The following GPHN variants were observed in gnomAD, a reference collection of about 807,000 sequenced individuals.
The protein encoded by GPHN is gephyrin.
A neutral mutation model predicts 95.5 loss-of-function variants in GPHN; 17 were observed. The observed-to-expected ratio is 0.18, with a 90% CI of 0.12 to 0.27. The LOEUF (loss-of-function observed/expected upper bound fraction) is 0.27, where lower values mean the gene tolerates loss of function less well. Among genes scored for constraint, GPHN ranks in the 10% least tolerant of loss-of-function variants. The pLI, the probability that GPHN is intolerant of heterozygous loss-of-function variation, is 1.00. For synonymous variants in GPHN, 320 were observed against 322.5 expected (o/e 0.99, Z 0.08); for missense variants, 660 against 978.1 (o/e 0.67, Z 4.34).
chr14:66,910,867 G>A lies in GPHN; in HGVS notation c.390-5136G>A, dbSNP rs147129984. Among the ~76,000 whole-genome samples, 4 of 152,066 alleles carry A rather than the reference G, an allele frequency of 2.6e-5. No individual in the cohort carries two copies. In the East Asian group the frequency reaches 7.7e-4, roughly 29 times the overall value. Reference sequence around the variant, plus strand: ...GTTAATTGGTCGTGACCTACAATTTGAAGAACACTGTCCTAGAGAAAGCTG... The same window carrying A: ...GTTAATTGGTCGTGACCTACAATTTAAAGAACACTGTCCTAGAGAAAGCTG... On this transcript the variant is annotated intron_variant, in intron 5 of 22. Transcript: ENST00000478722.
the GPHN span, chr14:67,573,906 G>A: frequency 6.3e-7 from 1 of 1,582,114 alleles, no homozygotes; most frequent in Non-Finnish European, 8.7e-7. This position sits in a 1 kb window ranked among gnomAD's most constrained non-coding sequence, Gnocchi z 4.8. Flanking sequence ...GCTCCTGGCT[G>A]CTAGTATTTT....
At chr14:67,353,080 T>G in the GPHN span, 4 of 1,495,414 alleles carry the variant, frequency 2.7e-6, no homozygotes, top group Non-Finnish European at 3.7e-6. Context: ...CTATTCTCAT[T>G]GTTTAAAAGA....
the GPHN span, among the ~76,000 whole-genome samples, chr14:67,693,853 G>A: frequency 6.6e-6 from 1 of 152,020 alleles, no homozygotes; most frequent in Non-Finnish European, 1.5e-5. Flanking sequence ...GTTTCACCAC[G>A]CTGGCCAGGA....
At chr14:67,525,765 A>G in the GPHN span, among the ~76,000 whole-genome samples, 1 of 152,354 alleles carries the variant, frequency 6.6e-6, no homozygotes, top group Non-Finnish European at 1.5e-5. Flanking sequence ...ATTTATTTCA[A>G]CATTAACAAT....
chr14:66,625,383 A>G (rs1443348174), intron 1 of GPHN, among the ~76,000 whole-genome samples: 1 of 151,974 alleles, frequency 6.6e-6, no homozygotes, highest in Non-Finnish European at 1.5e-5. Context: ...ATTGTCTTTC[A>G]TTTTTGGAAA....
chr14:67,494,769 C>T, the GPHN span, among the ~76,000 whole-genome samples: 2 of 152,208 alleles, frequency 1.3e-5, no homozygotes, highest in African/African-American at 2.4e-5. Flanking sequence ...AACGAAGGCT[C>T]GCCCAACATT....
At chr14:67,344,766 A>G in the GPHN span, among the ~76,000 whole-genome samples, 1 of 151,884 alleles carries the variant, frequency 6.6e-6, no homozygotes, top group Non-Finnish European at 1.5e-5. Context: ...CTTGTAGTCC[A>G]AGCTACTTGG....
intron 3 of GPHN, among the ~76,000 whole-genome samples, chr14:66,784,239 A>C (rs1164664737): frequency 1.3e-5 from 2 of 152,196 alleles, no homozygotes; most frequent in Non-Finnish European, 2.9e-5. Flanking sequence ...GAAAACTCAC[A>C]GGGGGCAACA....
intron 16 of GPHN, among the ~76,000 whole-genome samples, chr14:67,116,007 T>TA (rs1234815528): frequency 6.6e-6 from 1 of 152,010 alleles, no homozygotes; most frequent in Non-Finnish European, 1.5e-5. Context: ...CTGTGCATAT[T>TA]AAAATTTAGA....
chr14:67,496,724 T>C, the GPHN span, among the ~76,000 whole-genome samples: 806 of 147,974 alleles, frequency 5.4e-3, 8 homozygotes, highest in African/African-American at 0.019. Context: ...TTTTCTTTCT[T>C]TCTCTCTCTC....
the GPHN span, among the ~76,000 whole-genome samples, chr14:67,673,390 C>T: frequency 6.6e-6 from 1 of 152,224 alleles, no homozygotes; most frequent in Non-Finnish European, 1.5e-5. Flanking sequence ...GTCCCATCCC[C>T]TATTCTTTTA....
intron 19 of GPHN, among the ~76,000 whole-genome samples, chr14:67,162,690 C>G (rs577735028): frequency 1.3e-5 from 2 of 152,238 alleles, no homozygotes; most frequent in Non-Finnish European, 2.9e-5. Context: ...GTATCAAAAT[C>G]GAATCTCATT....
chr14:66,679,790 A>G (rs1457338458), intron 1 of GPHN, among the ~76,000 whole-genome samples: 1 of 152,172 alleles, frequency 6.6e-6, no homozygotes, highest in East Asian at 1.9e-4. Flanking sequence ...TAATTTTTAA[A>G]ATAGATTTTC....
At position 66,618,378 on chromosome 14, in the gene GPHN, G is replaced by A. The variant is rs531014093; in HGVS notation, c.65-62729G>A. ...CTGGTGTGAGCTACTGCGCCCGGCC[G>A]AGTTTATTTTTTAATCATACATTTG... On this transcript the variant is annotated intron_variant, in intron 1 of 22. Transcript: ENST00000478722. Among the ~76,000 whole-genome samples the A allele has an allele frequency of 2.3e-4, 35 of 152,162 alleles. No individual in the cohort carries two copies. The South Asian group carries it at 4.8e-3, about 21-fold the overall frequency.
chr14:67,062,165 TAGA>T (rs2075852393), intron 11 of GPHN, among the ~76,000 whole-genome samples: 1 of 152,160 alleles, frequency 6.6e-6, no homozygotes. Context: ...GAAAAAAAGG[TAGA>T]AGTTCATTCT....
At chr14:66,870,355 T>C (rs1294538358) in intron 4 of GPHN, among the ~76,000 whole-genome samples, 3 of 152,330 alleles carry the variant, frequency 2.0e-5, no homozygotes, top group Non-Finnish European at 4.4e-5. Context: ...TTTGTGTCTC[T>C]ATGCCCAAAT....
intron 1 of GPHN, among the ~76,000 whole-genome samples, chr14:66,671,246 A>T (rs183759491): frequency 6.6e-6 from 1 of 152,304 alleles, no homozygotes; most frequent in African/African-American, 2.4e-5. Flanking sequence ...CGTGCCTTTG[A>T]GCGTGTCATT....
chr14:67,517,698 C>CA, the GPHN span, among the ~76,000 whole-genome samples: 1 of 151,990 alleles, frequency 6.6e-6, no homozygotes, highest in Non-Finnish European at 1.5e-5. Flanking sequence ...CATTTCTTCC[C>CA]AAAAAAATTT....
intron 16 of GPHN, among the ~76,000 whole-genome samples, chr14:67,118,742 A>G (rs1334216291): frequency 6.6e-6 from 1 of 152,164 alleles, no homozygotes; most frequent in Non-Finnish European, 1.5e-5. Context: ...AAAAAAAAAA[A>G]AAGATTCATC....
Sources: gnomAD v4.1 joint callset for allele counts (sites outside exome capture counted in the v4.1 genomes callset) on GRCh38, gnomAD v4.1.1 for gene constraint, Gnocchi (gnomAD v3.1) non-coding constraint, MANE v1.5 for transcripts, NCBI Gene and HGNC (gene_info 2026-07-23, HGNC 2026-07-21) for gene names.